The following LDLRAD3 variants were observed in gnomAD, a reference collection of about 807,000 sequenced individuals.
LDLRAD3 encodes the protein low density lipoprotein receptor class A domain containing 3, also known as low-density lipoprotein receptor class A domain-containing protein 3.
LDLRAD3 carries 20 observed loss-of-function variants against 29.4 expected under a neutral mutation model. The ratio of observed to expected loss-of-function variants is 0.68; its 90% CI spans 0.48 to 0.99. The LOEUF is 0.99. LDLRAD3 is among the 50% of genes least tolerant of loss of function. LDLRAD3 has a pLI of 0.00. For synonymous variants in LDLRAD3, 157 were observed against 192.7 expected, an observed-to-expected ratio of 0.81 and a Z score of 1.53; for missense variants, 420 against 454.3, an observed-to-expected ratio of 0.92 and a Z score of 0.69.
chr11:36,229,271 C>T lies in LDLRAD3; in HGVS notation c.912C>T (p.Ser304=). 6.2e-7 allele frequency: 1 copy of T among 1,614,152 alleles called. No homozygotes were observed. Among genetic ancestry groups the T allele is most frequent in the Non-Finnish European group, 8.5e-7 (1 of 1,180,026 alleles). ...RSRSGSANSA[S]SQAASSLLSV... ...GGTCCGGGAGTGCCAACAGTGCCAG[C>T]TCCCAGGCAGCCAGCAGCCTCCTGA... The change falls in exon 6 of 6, where the codon AGC becomes AGT. Residue 304 remains serine (S), a synonymous_variant. Coordinates refer to ENST00000315571, the MANE Select transcript of LDLRAD3 (RefSeq NM_174902.4).
rs114605351 is a variant in LDLRAD3, at chr11:35,973,421, A to G, written c.46+29277A>G. On this transcript the variant is annotated intron_variant, in intron 1 of 5. Coordinates refer to ENST00000315571, the MANE Select transcript of LDLRAD3 (RefSeq NM_174902.4). The stretch of plus-strand genomic sequence containing the variant: ...AATACCTGTAGAAATGGAATTGTTG[A>G]GTTGAAGAGTCAAGGGTGTTTGTAG... 3.5e-3 allele frequency among the ~76,000 whole-genome samples: 533 copies of G among 152,176 alleles called. 3 individuals are homozygous for G. The highest frequency in any genetic ancestry group is 0.012 in the African/African-American group (502 of 41,528).
At chr11:36,057,813 C>T (rs1463020266) in intron 2 of LDLRAD3, among the ~76,000 whole-genome samples, 5 of 152,256 alleles carry the variant, frequency 3.3e-5, no homozygotes, top group East Asian at 1.9e-4. Context: ...AATGATTGTC[C>T]GAAACCACAC....
At chr11:36,207,439 A>C (rs1162346751) in intron 4 of LDLRAD3, among the ~76,000 whole-genome samples, 1 of 152,140 alleles carries the variant, frequency 6.6e-6, no homozygotes, top group African/African-American at 2.4e-5. Flanking sequence ...TGGGAAACAG[A>C]GGGAGTTCAA....
intron 2 of LDLRAD3, among the ~76,000 whole-genome samples, chr11:36,060,789 T>G (rs922304964): frequency 2.6e-5 from 4 of 152,236 alleles, no homozygotes; most frequent in African/African-American, 9.6e-5. Context: ...GCCCTGATAC[T>G]AGTAATCATA....
chr11:36,104,945 T>G (rs1018092715), intron 4 of LDLRAD3, among the ~76,000 whole-genome samples: 4 of 152,210 alleles, frequency 2.6e-5, no homozygotes, highest in African/African-American at 9.6e-5. Flanking sequence ...CCTCTCTTTG[T>G]ACTCCAAAAG....
rs987147679 is a variant in LDLRAD3 at position 36,215,711 on chromosome 11, G to T, written c.455-11374G>T. Among the ~76,000 whole-genome samples, 8 of 152,284 alleles carry T rather than the reference G, an allele frequency of 5.3e-5. No individual in the cohort carries two copies. In the South Asian group the frequency reaches 1.7e-3, roughly 32 times the overall value. ...CAGATCTGAAATCTCAAGAAGCCAT[G>T]AATTTGTTCATGGTGGATAAAGCTC... On this transcript the variant is annotated intron_variant, in intron 4 of 5. Coordinates refer to ENST00000315571, the MANE Select transcript of LDLRAD3 (RefSeq NM_174902.4).
intron 1 of LDLRAD3, among the ~76,000 whole-genome samples, chr11:36,003,476 G>T (rs1209386714): frequency 6.6e-6 from 1 of 152,158 alleles, no homozygotes; most frequent in Non-Finnish European, 1.5e-5. Flanking sequence ...TGTTGATAGG[G>T]TCTTACAGCA....
chr11:36,022,448 G>T (rs1852109889), intron 1 of LDLRAD3, among the ~76,000 whole-genome samples: 1 of 151,832 alleles, frequency 6.6e-6, no homozygotes, highest in Admixed American at 6.6e-5. Flanking sequence ...TCTTTAAGAG[G>T]TTTTCTTGTG....
intron 3 of LDLRAD3, among the ~76,000 whole-genome samples, chr11:36,085,255 A>G (rs931388655): frequency 6.6e-6 from 1 of 151,968 alleles, no homozygotes; most frequent in Non-Finnish European, 1.5e-5. Context: ...TGCCACTTCT[A>G]TCTGGCTTTT....
intron 1 of LDLRAD3, among the ~76,000 whole-genome samples, chr11:36,003,420 C>G (rs1037822319): frequency 1.3e-5 from 2 of 152,150 alleles, no homozygotes; most frequent in Admixed American, 6.5e-5. Flanking sequence ...AGTCAGGAGG[C>G]CTGTGAGCTT....
chr11:36,038,048 C>T (rs972258380), intron 2 of LDLRAD3, among the ~76,000 whole-genome samples: 1 of 152,046 alleles, frequency 6.6e-6, no homozygotes, highest in African/African-American at 2.4e-5. Flanking sequence ...AGGAGTGCGC[C>T]GTCACGCCTG....
chr11:36,015,883 C>T (rs576804701), intron 1 of LDLRAD3, among the ~76,000 whole-genome samples: 4 of 152,198 alleles, frequency 2.6e-5, no homozygotes, highest in Admixed American at 6.5e-5. Flanking sequence ...CTCCAGACTC[C>T]AGCACTCTTG....
At chr11:36,054,895 GGATGAATGGATGGAT>G (rs1852589839) in intron 2 of LDLRAD3, among the ~76,000 whole-genome samples, 1 of 148,826 alleles carries the variant, frequency 6.7e-6, no homozygotes, top group African/African-American at 2.5e-5. Context: ...CTGGATGGAT[GGATGAATGGATGGAT>G]GATGGATACA....
chr11:36,173,482 C>T (rs1025414490), intron 4 of LDLRAD3, among the ~76,000 whole-genome samples: 3 of 151,872 alleles, frequency 2.0e-5, no homozygotes, highest in African/African-American at 7.3e-5. Flanking sequence ...TGATGGTTTC[C>T]AGCTTCATCC....
chr11:35,983,441 T>G (rs1283610684), intron 1 of LDLRAD3, among the ~76,000 whole-genome samples: 1 of 152,192 alleles, frequency 6.6e-6, no homozygotes, highest in African/African-American at 2.4e-5. Flanking sequence ...TGGACCTGTT[T>G]GGGCTATGAG....
At chr11:36,062,139 C>T (rs1359216399) in intron 2 of LDLRAD3, among the ~76,000 whole-genome samples, 1 of 152,140 alleles carries the variant, frequency 6.6e-6, no homozygotes, top group Non-Finnish European at 1.5e-5. Context: ...TCCAAGGTCA[C>T]GGTTCTGGTA....
chr11:36,036,114 C>T lies in LDLRAD3; in HGVS notation c.58C>T (p.Leu20Phe). The T allele has an allele frequency of 6.2e-7, 1 of 1,613,892 alleles. No homozygotes were observed. Among genetic ancestry groups the T allele is most frequent in the African/African-American group, 1.3e-5 (1 of 75,052 alleles). The change falls in exon 2 of 6, where the codon CTC (leucine) becomes TTC (phenylalanine). Residue 20 changes from leucine (L) to phenylalanine (F), a missense_variant. Transcript: ENST00000315571. The part of the protein sequence containing the change: ...LLSSAAESQL[L>F]PGNNFTNECN... Reference sequence around the variant, plus strand: ...CCTCTCTCTGACAGAGAGCCAGCTGCTCCCCGGGAACAACTTCACCAATGA... The same window carrying T: ...CCTCTCTCTGACAGAGAGCCAGCTGTTCCCCGGGAACAACTTCACCAATGA...
At position 36,177,650 on chromosome 11, in the gene LDLRAD3, A is replaced by G. The variant is rs1854698912; in HGVS notation, c.455-49435A>G. 2.0e-5 allele frequency among the ~76,000 whole-genome samples: 3 copies of G among 152,190 alleles called. 1 individual carries two copies. In the South Asian group the frequency reaches 6.2e-4, roughly 32 times the overall value. ...GGCTGGTGCTAGGGAGTGCCTGCAGAGAGTCAAAGAGTCCTGTAATGTGAT... is the reference window on the plus strand; with the variant it reads ...GGCTGGTGCTAGGGAGTGCCTGCAGGGAGTCAAAGAGTCCTGTAATGTGAT... On this transcript the variant is annotated intron_variant, in intron 4 of 5. Coordinates refer to ENST00000315571, the MANE Select transcript of LDLRAD3 (RefSeq NM_174902.4).
chr11:36,098,491 A>G (rs1395029118), intron 4 of LDLRAD3, 30 bp downstream of exon 4: 8 of 1,613,324 alleles, frequency 5.0e-6, no homozygotes, highest in Non-Finnish European at 6.8e-6. Flanking sequence ...TAAAAAGATA[A>G]TTGCAACACA....
Sources: allele counts gnomAD v4.1 joint callset (sites outside exome capture counted in the v4.1 genomes callset), GRCh38; gene constraint gnomAD v4.1.1; transcripts MANE v1.5; gene names NCBI Gene and HGNC (gene_info 2026-07-23, HGNC 2026-07-21).